GTF3C2: variants seen among roughly 807,000 people sequenced by gnomAD.
GTF3C2 encodes the protein general transcription factor 3C polypeptide 2.
Under a neutral mutation model 117.4 loss-of-function variants are expected in GTF3C2, and 17 were observed. That is an observed-to-expected ratio of 0.14 (90% CI 0.10 to 0.22). GTF3C2 has a LOEUF of 0.22. Among genes scored for constraint, GTF3C2 ranks in the 10% least tolerant of loss-of-function variants. GTF3C2 has a pLI of 1.00. For missense variants in GTF3C2, 888 were observed against 1,143.6 expected (o/e 0.78, Z 3.22); for synonymous variants, 437 against 427.0 (o/e 1.02, Z -0.29).
chr2:27,350,335 G>C, intron 1 of GTF3C2: 2 of 847,476 alleles, frequency 2.4e-6, no homozygotes, highest in Non-Finnish European at 2.8e-6. Flanking sequence ...TTCTGGATGG[G>C]GCCAGCACCT....
chr2:27,353,368 C>G, intron 1 of GTF3C2, among the ~76,000 whole-genome samples: 1 of 140,578 alleles, frequency 7.1e-6, no homozygotes, highest in Non-Finnish European at 1.5e-5. Flanking sequence ...GGCGACAGAG[C>G]TAGACTCCGT....
intron 12 of GTF3C2, among the ~76,000 whole-genome samples, chr2:27,332,904 C>T (rs1041606433): frequency 2.0e-5 from 3 of 149,334 alleles, no homozygotes; most frequent in African/African-American, 5.0e-5. Context: ...TTAGTAGAGA[C>T]AGGCTTTCAC....
intron 1 of GTF3C2, among the ~76,000 whole-genome samples, chr2:27,348,499 A>C (rs528305692): frequency 1.3e-5 from 2 of 152,166 alleles, no homozygotes; most frequent in African/African-American, 4.8e-5. Flanking sequence ...TATCATTTAA[A>C]CTCATCCATT....
intron 12 of GTF3C2, among the ~76,000 whole-genome samples, chr2:27,332,347 CTATTTT>C (rs1028599001): frequency 9.9e-5 from 15 of 151,510 alleles, no homozygotes; most frequent in Admixed American, 8.5e-4. Flanking sequence ...TCTAATCTTT[CTATTTT>C]TATCTATAAA....
chr2:27,336,648 C>A, intron 7 of GTF3C2: 1 of 501,220 alleles, frequency 2.0e-6, no homozygotes, highest in Non-Finnish European at 3.6e-6. Context: ...GGGTCTGTCA[C>A]CCAGGATGGA....
intron 1 of GTF3C2, among the ~76,000 whole-genome samples, chr2:27,353,005 G>A (rs1388668133): frequency 6.6e-6 from 1 of 152,130 alleles, no homozygotes; most frequent in East Asian, 1.9e-4. Flanking sequence ...CACCTCTTTT[G>A]TCTTTCTAAA....
chr2:27,347,688 T>C (rs1198234554), intron 1 of GTF3C2, among the ~76,000 whole-genome samples: 1 of 152,218 alleles, frequency 6.6e-6, no homozygotes, highest in Non-Finnish European at 1.5e-5. Flanking sequence ...AAATGGATTG[T>C]GAAATCCAAG....
At chr2:27,352,365 C>A (rs2148343090) in intron 1 of GTF3C2, among the ~76,000 whole-genome samples, 1 of 152,310 alleles carries the variant, frequency 6.6e-6, no homozygotes, top group East Asian at 1.9e-4. Context: ...ATTTCCGAAA[C>A]AAAACCAAAG....
chr2:27,326,001 G>GAT (rs2148232262), exon 19 of GTF3C2: 3 of 254,440 alleles, frequency 1.2e-5, no homozygotes, highest in Admixed American at 1.0e-4. Context: ...TCTCTGACTT[G>GAT]ATATAAAGGA....
exon 19 of GTF3C2, chr2:27,326,479 C>T (rs1368270032): frequency 5.0e-6 from 3 of 602,292 alleles, no homozygotes; most frequent in Admixed American, 6.0e-5. Context: ...GAGGGAGAGC[C>T]CCCCTGCCCG....
chr2:27,344,883 G>T (rs992301339), intron 1 of GTF3C2, among the ~76,000 whole-genome samples: 1 of 152,142 alleles, frequency 6.6e-6, no homozygotes, highest in Non-Finnish European at 1.5e-5. Context: ...TACTTGGAAG[G>T]CTGAGACAGG....
At chr2:27,337,991 A>T in exon 5 of GTF3C2, 1 of 1,611,810 alleles carries the variant, frequency 6.2e-7, no homozygotes, top group Non-Finnish European at 8.5e-7. Flanking sequence ...AGCCATTGGG[A>T]GCCATTCCTC....
At chr2:27,334,532 CTA>C in intron 10 of GTF3C2, among the ~76,000 whole-genome samples, 1 of 152,214 alleles carries the variant, frequency 6.6e-6, no homozygotes, top group South Asian at 2.1e-4. Flanking sequence ...TCCCATATTG[CTA>C]TGTGAACATG....
intron 1 of GTF3C2, among the ~76,000 whole-genome samples, chr2:27,345,449 T>G (rs532159086): frequency 4.7e-4 from 71 of 151,634 alleles, no homozygotes; most frequent in South Asian, 1.5e-3. Flanking sequence ...AAAAATTAGC[T>G]GGGCATGGTG....
chr2:27,328,404 C>T (rs752099083), intron 16 of GTF3C2, 64 bp downstream of exon 16: 10 of 1,566,616 alleles, frequency 6.4e-6, no homozygotes, highest in Non-Finnish European at 8.8e-6. Context: ...TTGTACTCTA[C>T]CAGAATTTGG....
intron 1 of GTF3C2, among the ~76,000 whole-genome samples, chr2:27,354,733 C>A (rs565284139): frequency 6.6e-6 from 1 of 152,288 alleles, no homozygotes; most frequent in East Asian, 1.9e-4. Flanking sequence ...TGCACTCCAG[C>A]CTGAGTGACA....
At chr2:27,349,208 C>T (rs557011999) in intron 1 of GTF3C2, among the ~76,000 whole-genome samples, 1 of 142,620 alleles carries the variant, frequency 7.0e-6, no homozygotes, top group East Asian at 2.0e-4. Flanking sequence ...AGTGCAGTGG[C>T]GCGATTTCGG....
intron 1 of GTF3C2, among the ~76,000 whole-genome samples, chr2:27,351,491 A>T (rs57039562): frequency 0.014 from 2,165 of 152,250 alleles, 52 homozygotes; most frequent in African/African-American, 0.05. Context: ...CCCCTACCAC[A>T]GCCAATGGCT....
intron 17 of GTF3C2, among the ~76,000 whole-genome samples, 184 bp downstream of exon 17, chr2:27,327,853 C>T (rs1680138101): frequency 6.6e-6 from 1 of 152,156 alleles, no homozygotes; most frequent in Non-Finnish European, 1.5e-5. Flanking sequence ...GTCTTGATCT[C>T]TTGACCTTGT....
Sources: gnomAD v4.1 joint callset for allele counts (sites outside exome capture counted in the v4.1 genomes callset) on GRCh38, gnomAD v4.1.1 for gene constraint, MANE v1.5 for transcripts, NCBI Gene and HGNC (gene_info 2026-07-23, HGNC 2026-07-21) for gene names.